Variants in MKLN1 observed in about 807,000 individuals in gnomAD.
MKLN1 encodes the protein muskelin.
A neutral mutation model predicts 99.0 loss-of-function variants in MKLN1; 18 were observed. The ratio of observed to expected loss-of-function variants is 0.18; its 90% CI spans 0.13 to 0.27. The LOEUF (loss-of-function observed/expected upper bound fraction) is 0.27. MKLN1 is among the 10% of genes least tolerant of loss of function. The pLI, the probability that MKLN1 is intolerant of heterozygous loss-of-function variation, is 1.00. For missense variants in MKLN1, 621 were observed against 875.9 expected (o/e 0.71, Z 3.67); for synonymous variants, 288 against 293.2 (o/e 0.98, Z 0.18).
intron 9 of MKLN1, among the ~76,000 whole-genome samples, chr7:131,429,770 CG>C (rs1329566720): frequency 2.6e-5 from 4 of 152,054 alleles, no homozygotes; most frequent in Admixed American, 2.0e-4. Flanking sequence ...TTAGTAGAGA[CG>C]GGGTTTCACC....
chr7:131,189,247 C>T (rs905952439), intron 2 of MKLN1, among the ~76,000 whole-genome samples: 1 of 152,144 alleles, frequency 6.6e-6, no homozygotes, highest in African/African-American at 2.4e-5. Flanking sequence ...ATATCACTAC[C>T]TATGGATATG....
chr7:131,347,961 T>TAATG (rs911778727), intron 1 of MKLN1, among the ~76,000 whole-genome samples: 8 of 152,290 alleles, frequency 5.3e-5, no homozygotes, highest in Middle Eastern at 3.4e-3. Flanking sequence ...AGTAACAAAC[T>TAATG]AATGGTTTGT....
intron 3 of MKLN1, among the ~76,000 whole-genome samples, chr7:131,290,055 C>T (rs541518513): frequency 3.3e-5 from 5 of 152,264 alleles, no homozygotes; most frequent in East Asian, 3.9e-4. Flanking sequence ...CCTGTAATTC[C>T]AGCACTTTGG....
At chr7:131,252,225 G>T (rs1314954335) in intron 3 of MKLN1, among the ~76,000 whole-genome samples, 1 of 152,086 alleles carries the variant, frequency 6.6e-6, no homozygotes, top group Non-Finnish European at 1.5e-5. Flanking sequence ...GAACAGTAGG[G>T]GGAAAAACAA....
intron 3 of MKLN1, among the ~76,000 whole-genome samples, chr7:131,271,143 A>G (rs1248780051): frequency 6.6e-6 from 1 of 151,944 alleles, no homozygotes; most frequent in Non-Finnish European, 1.5e-5. Context: ...GATGAATGTC[A>G]TCATGGAGAA....
At chr7:131,116,938 C>A (rs541521604) in intron 1 of MKLN1, among the ~76,000 whole-genome samples, 10 of 152,154 alleles carry the variant, frequency 6.6e-5, no homozygotes, top group African/African-American at 2.2e-4. Context: ...CTATGGAGGG[C>A]AATCTGGCAA....
In MKLN1 at chr7:131,445,813, A is replaced by G; in HGVS notation, c.1435A>G (p.Lys479Glu). The G allele has an allele frequency of 6.2e-7, 1 of 1,609,374 alleles. No homozygotes were observed. The highest frequency in any genetic ancestry group is 8.5e-7 in the Non-Finnish European group (1 of 1,177,450). The change falls in exon 12 of 18, where the codon AAG (lysine) becomes GAG (glutamate). Residue 479 changes from lysine to glutamate, a missense_variant. By Grantham distance (56) the Lys-to-Glu change is moderately conservative. This residue lies in a region of MKLN1 where 361 missense variants were observed against 540.8 expected (regional missense o/e 0.67). Transcript: ENST00000352689. Reference protein sequence around the residue: ...CLYVFGGQRSKTYLNDFFSYD... With the variant: ...CLYVFGGQRSETYLNDFFSYD... Reference sequence around the variant, plus strand: ...ATATGTATTTGGTGGCCAGCGATCAAAGACCTATTTGAATGATTTCTTTAG... The same window carrying G: ...ATATGTATTTGGTGGCCAGCGATCAGAGACCTATTTGAATGATTTCTTTAG...
intron 2 of MKLN1, among the ~76,000 whole-genome samples, chr7:131,154,449 A>G (rs540216442): frequency 4.6e-5 from 7 of 152,280 alleles, no homozygotes; most frequent in Non-Finnish European, 1.0e-4. Context: ...CATGAGAGGA[A>G]GGGAATATAG....
At chr7:131,110,983 A>C (rs1216873479) in intron 1 of MKLN1, among the ~76,000 whole-genome samples, 1 of 152,278 alleles carries the variant, frequency 6.6e-6, no homozygotes, top group East Asian at 1.9e-4. Flanking sequence ...AGAAACCTAC[A>C]ACTGAGAGCA....
chr7:131,368,486 A>G (rs913292223), intron 1 of MKLN1, among the ~76,000 whole-genome samples: 1 of 152,182 alleles, frequency 6.6e-6, no homozygotes, highest in Non-Finnish European at 1.5e-5. Flanking sequence ...GGGAGGCCTC[A>G]GGAAACTTAC....
chr7:131,275,565 A>ATT (rs1429291720), intron 3 of MKLN1, among the ~76,000 whole-genome samples: 14 of 6,600 alleles, frequency 2.1e-3, no homozygotes, highest in Non-Finnish European at 2.8e-3. Context: ...ATATATATAT[A>ATT]TATTTTTTTT....
chr7:131,421,098 G>T (rs1240341874), intron 8 of MKLN1, among the ~76,000 whole-genome samples: 1 of 152,072 alleles, frequency 6.6e-6, no homozygotes, highest in African/African-American at 2.4e-5. Context: ...CGGGATCTAG[G>T]TAGAAAAACT....
chr7:131,215,866 T>C (rs1042238535), intron 3 of MKLN1, among the ~76,000 whole-genome samples: 2 of 152,086 alleles, frequency 1.3e-5, no homozygotes, highest in African/African-American at 4.8e-5. Context: ...TGCGGTCAGC[T>C]TATTTAGCCT....
At chr7:131,243,196 G>A (rs1033823489) in intron 3 of MKLN1, among the ~76,000 whole-genome samples, 3 of 152,214 alleles carry the variant, frequency 2.0e-5, no homozygotes, top group South Asian at 2.1e-4. Flanking sequence ...CTGAATTGGC[G>A]GAGTCTGGGG....
chr7:131,370,254 A>G (rs1800305753), intron 1 of MKLN1, among the ~76,000 whole-genome samples: 1 of 150,900 alleles, frequency 6.6e-6, no homozygotes, highest in Non-Finnish European at 1.5e-5. Flanking sequence ...TATCACCTTT[A>G]TCTGATACTA....
chr7:131,377,780 T>G (rs181048429), intron 2 of MKLN1, among the ~76,000 whole-genome samples: 8 of 152,334 alleles, frequency 5.3e-5, no homozygotes, highest in African/African-American at 1.9e-4. Context: ...ATTTGAATAC[T>G]GTAGGGAATT....
At chr7:131,289,189 C>T (rs1798178857) in intron 3 of MKLN1, among the ~76,000 whole-genome samples, 1 of 152,182 alleles carries the variant, frequency 6.6e-6, no homozygotes, top group South Asian at 2.1e-4. Flanking sequence ...GGTGTCCCCA[C>T]CCCTGGCCTA....
intron 3 of MKLN1, among the ~76,000 whole-genome samples, chr7:131,273,536 T>C (rs1040437829): frequency 7.9e-5 from 12 of 152,122 alleles, no homozygotes; most frequent in Non-Finnish European, 1.6e-4. Flanking sequence ...AGAGGGACTG[T>C]GGTTCAGCCG....
In MKLN1 at chr7:131,495,877, A is replaced by C. The variant is rs928691671; in HGVS notation, c.*8149A>C. 72 of 152,230 alleles carry C rather than the reference A, an allele frequency of 4.7e-4. No homozygotes were observed. Among genetic ancestry groups the C allele is most frequent in the African/African-American group, 1.7e-3 (71 of 41,462 alleles). 9.4% of individuals were successfully genotyped at this position (152,230 alleles called of 1,614,324 possible). ...AAGTCCGTTATGCACCATTATGGGC[A>C]TATGGAGCATATTCATACCATGAGG... is the stretch of plus-strand genomic sequence containing the variant. On this transcript the variant is annotated 3_prime_UTR_variant, in exon 18 of 18. Transcript: ENST00000352689.
Sources: allele counts gnomAD v4.1 joint callset (sites outside exome capture counted in the v4.1 genomes callset), GRCh38; gene constraint gnomAD v4.1.1; regional missense constraint gnomAD v4.1.1; transcripts MANE v1.5; gene names NCBI Gene and HGNC (gene_info 2026-07-23, HGNC 2026-07-21).